Variants in WASF3 observed in about 807,000 individuals in gnomAD.
WASF3 encodes actin-binding protein WASF3.
WASF3 carries 11 observed loss-of-function variants against 46.6 expected under a neutral mutation model. The ratio of observed to expected loss-of-function variants is 0.24; its 90% CI spans 0.15 to 0.39. The LOEUF (loss-of-function observed/expected upper bound fraction) is 0.39. Ranked by LOEUF, WASF3 falls within the 10% of genes least tolerant of loss-of-function variation. WASF3 has a pLI of 1.00. For missense variants in WASF3, 576 were observed against 669.8 expected (o/e 0.86, Z 1.55); for synonymous variants, 242 against 259.7 (o/e 0.93, Z 0.65).
chr13:26,662,459 C>T (rs916480132), intron 3 of WASF3, among the ~76,000 whole-genome samples: 4 of 152,180 alleles, frequency 2.6e-5, no homozygotes, highest in African/African-American at 2.4e-5. Flanking sequence ...TGGGATACTA[C>T]GCAGCCATAA....
At chr13:26,607,541 G>A (rs1880835079) in intron 1 of WASF3, among the ~76,000 whole-genome samples, 1 of 152,086 alleles carries the variant, frequency 6.6e-6, no homozygotes. Context: ...CCCAGCTCAG[G>A]TAAACTGGGC....
intron 2 of WASF3, among the ~76,000 whole-genome samples, chr13:26,635,185 T>C (rs1488184819): frequency 2.6e-5 from 4 of 152,014 alleles, no homozygotes; most frequent in African/African-American, 9.7e-5. Flanking sequence ...TTTGTTTGTT[T>C]CTTTTTACTT....
chr13:26,680,319 G>T, intron 7 of WASF3: 1 of 1,242,604 alleles, frequency 8.0e-7, no homozygotes, highest in South Asian at 1.6e-5. Context: ...AGGAGCGTGT[G>T]ACTGTCTTAC....
chr13:26,565,267 T>C (rs1788223429), intron 1 of WASF3, among the ~76,000 whole-genome samples: 1 of 151,924 alleles, frequency 6.6e-6, no homozygotes, highest in South Asian at 2.1e-4. Flanking sequence ...GGAGAAACTC[T>C]AGTACAAGTT....
intron 3 of WASF3, among the ~76,000 whole-genome samples, chr13:26,644,397 C>T (rs546995135): frequency 6.6e-6 from 1 of 152,278 alleles, no homozygotes; most frequent in South Asian, 2.1e-4. Flanking sequence ...GTGTTTTGTA[C>T]CACCCAATCC....
chr13:26,569,569 A>G (rs909169793), intron 1 of WASF3, among the ~76,000 whole-genome samples: 1 of 152,202 alleles, frequency 6.6e-6, no homozygotes, highest in African/African-American at 2.4e-5. Context: ...AGTCATACTC[A>G]GAGGAAAGAT....
At chr13:26,673,058 A>G (rs1354580919) in intron 6 of WASF3, among the ~76,000 whole-genome samples, 2 of 152,186 alleles carry the variant, frequency 1.3e-5, no homozygotes, top group East Asian at 3.8e-4. Context: ...AAAGATACCA[A>G]TCTTTTGAGT....
intron 1 of WASF3, chr13:26,577,302 G>T: frequency 1.3e-6 from 1 of 747,640 alleles, no homozygotes; most frequent in South Asian, 1.4e-5. Flanking sequence ...GTTCTGTGTT[G>T]GTTTTCCTAA....
chr13:26,552,534 G>C, the WASF3 span, among the ~76,000 whole-genome samples: 2 of 152,048 alleles, frequency 1.3e-5, no homozygotes, highest in Non-Finnish European at 2.9e-5. Flanking sequence ...AGAAAGCTCG[G>C]GTAAGTGAAG....
intron 3 of WASF3, among the ~76,000 whole-genome samples, chr13:26,648,151 A>C (rs993715622): frequency 2.0e-5 from 3 of 152,146 alleles, no homozygotes; most frequent in Non-Finnish European, 4.4e-5. Context: ...CTTATGTCTT[A>C]GGAGTCATCA....
At chr13:26,623,566 C>G (rs936268055) in intron 2 of WASF3, among the ~76,000 whole-genome samples, 2 of 152,200 alleles carry the variant, frequency 1.3e-5, no homozygotes, top group Non-Finnish European at 2.9e-5. Flanking sequence ...GCAAAGTTCT[C>G]TTTCTGCTGC....
chr13:26,650,646 A>G (rs1230210350), intron 3 of WASF3, among the ~76,000 whole-genome samples: 1 of 152,216 alleles, frequency 6.6e-6, no homozygotes, highest in East Asian at 1.9e-4. Flanking sequence ...ACTGCAAAAG[A>G]TGAACAACGT....
At chr13:26,627,283 T>G (rs1247960496) in intron 2 of WASF3, among the ~76,000 whole-genome samples, 1 of 152,150 alleles carries the variant, frequency 6.6e-6, no homozygotes, top group Non-Finnish European at 1.5e-5. Context: ...TTTTTTTATT[T>G]TCATGTGAGC....
At chr13:26,657,425 A>G (rs918165097) in intron 3 of WASF3, among the ~76,000 whole-genome samples, 2 of 152,246 alleles carry the variant, frequency 1.3e-5, no homozygotes, top group African/African-American at 2.4e-5. Context: ...TGTACCTGCT[A>G]GACACAGGCA....
At chr13:26,578,323 A>C (rs1185049195) in intron 1 of WASF3, among the ~76,000 whole-genome samples, 1 of 152,182 alleles carries the variant, frequency 6.6e-6, no homozygotes, top group Non-Finnish European at 1.5e-5. Context: ...AGGAGTTTTT[A>C]ATCACTGTGA....
chr13:26,647,491 C>G (rs1882184743), intron 3 of WASF3, among the ~76,000 whole-genome samples: 1 of 151,994 alleles, frequency 6.6e-6, no homozygotes, highest in Non-Finnish European at 1.5e-5. Context: ...TCTGAATGCT[C>G]TTGTTCCTGT....
At chr13:26,619,929 C>A (rs1183076926) in intron 2 of WASF3, among the ~76,000 whole-genome samples, 1 of 152,094 alleles carries the variant, frequency 6.6e-6, no homozygotes, top group Non-Finnish European at 1.5e-5. Flanking sequence ...GCCTTTTTAT[C>A]CTGGTAAGAC....
chr13:26,581,986 C>T (rs140806980), intron 1 of WASF3, among the ~76,000 whole-genome samples: 8 of 152,162 alleles, frequency 5.3e-5, no homozygotes, highest in African/African-American at 1.9e-4. Context: ...ATTCTATAAT[C>T]GATGAGCTTC....
At chr13:26,680,295 C>A (rs1399810134) in intron 7 of WASF3, 1 of 1,390,386 alleles carries the variant, frequency 7.2e-7, no homozygotes, top group Non-Finnish European at 9.5e-7. Context: ...GCCACATGTC[C>A]TGTAACCTGA....
Sources: gnomAD v4.1 joint callset for allele counts (sites outside exome capture counted in the v4.1 genomes callset) on GRCh38, gnomAD v4.1.1 for gene constraint, MANE v1.5 for transcripts, NCBI Gene and HGNC (gene_info 2026-07-23, HGNC 2026-07-21) for gene names.